Variants in NCKAP5 observed in about 807,000 individuals in gnomAD.
The protein encoded by NCKAP5 is NCK associated protein 5.
NCKAP5 carries 92 observed loss-of-function variants against 167.0 expected under a neutral mutation model. The observed-to-expected ratio is 0.55, with a 90% CI of 0.47 to 0.66. The LOEUF is 0.66. NCKAP5 is among the 30% of genes least tolerant of loss of function. The pLI is 0.00. For synonymous variants in NCKAP5, 891 were observed against 877.4 expected, an observed-to-expected ratio of 1.02 and a Z score of -0.27; for missense variants, 2,378 against 2,315.0, an observed-to-expected ratio of 1.03 and a Z score of -0.56.
intron 8 of NCKAP5, among the ~76,000 whole-genome samples, chr2:132,948,631 G>A (rs2076069692): frequency 6.6e-6 from 1 of 152,122 alleles, no homozygotes; most frequent in South Asian, 2.1e-4. Flanking sequence ...CTGTATGAAA[G>A]AAATAGCACC....
chr2:133,206,755 G>C (rs1221737593), intron 5 of NCKAP5, among the ~76,000 whole-genome samples: 1 of 152,172 alleles, frequency 6.6e-6, no homozygotes, highest in Non-Finnish European at 1.5e-5. Flanking sequence ...CCTATAAACG[G>C]ATGTGCAAGT....
chr2:132,818,506 T>C (rs184136258), intron 11 of NCKAP5, among the ~76,000 whole-genome samples: 27 of 152,174 alleles, frequency 1.8e-4, no homozygotes, highest in African/African-American at 6.0e-4. Flanking sequence ...TGAAATCCCA[T>C]CTCCACCAAA....
chr2:132,938,971 T>C lies in NCKAP5; in HGVS notation c.579+24749A>G, dbSNP rs1697063740. ...AAATTCATTTTTTAGAGGTTTTCAA[T>C]TGAACAAGGACAGGAGGAGAGGAAT... On this transcript the variant is annotated intron_variant, in intron 8 of 19. Coordinates refer to ENST00000409261, the MANE Select transcript of NCKAP5 (RefSeq NM_207363.3). Among the ~76,000 whole-genome samples, 3 of 152,184 alleles carry C rather than the reference T, an allele frequency of 2.0e-5. No individual in the cohort carries two copies. The South Asian group carries it at 6.2e-4, about 31-fold the overall frequency.
chr2:133,671,041 C>T, the NCKAP5 span, among the ~76,000 whole-genome samples: 1 of 151,770 alleles, frequency 6.6e-6, no homozygotes, highest in Non-Finnish European at 1.5e-5. Flanking sequence ...TGGTGAAACC[C>T]CATCTCTACT....
chr2:132,759,502 A>G (rs546692478), intron 16 of NCKAP5, among the ~76,000 whole-genome samples: 34 of 152,186 alleles, frequency 2.2e-4, no homozygotes, highest in Admixed American at 7.9e-4. Context: ...TGACACTCCA[A>G]TATTTTCACT....
intron 2 of NCKAP5, among the ~76,000 whole-genome samples, chr2:133,557,057 A>G (rs941699796): frequency 6.6e-6 from 1 of 152,244 alleles, no homozygotes; most frequent in African/African-American, 2.4e-5. Flanking sequence ...GAGCAACAGA[A>G]TACAAACCAC....
At chr2:132,731,135 C>T (rs894488967) in intron 17 of NCKAP5, among the ~76,000 whole-genome samples, 2 of 152,132 alleles carry the variant, frequency 1.3e-5, no homozygotes, top group Non-Finnish European at 2.9e-5. Flanking sequence ...CATTTTTAAT[C>T]GTGAGGGAAC....
intron 7 of NCKAP5, among the ~76,000 whole-genome samples, chr2:132,974,180 G>A (rs750588622): frequency 6.6e-6 from 1 of 152,150 alleles, no homozygotes; most frequent in South Asian, 2.1e-4. Context: ...AAATTACAGG[G>A]ATATGAAGAA....
chr2:133,334,352 G>A (rs1349011248), intron 3 of NCKAP5, among the ~76,000 whole-genome samples: 1 of 152,048 alleles, frequency 6.6e-6, no homozygotes, highest in Admixed American at 6.6e-5. Flanking sequence ...TCACGGTGGT[G>A]GTAAAGTATC....
intron 4 of NCKAP5, among the ~76,000 whole-genome samples, chr2:133,244,430 G>A (rs2087875147): frequency 6.6e-6 from 1 of 151,872 alleles, no homozygotes; most frequent in African/African-American, 2.4e-5. Context: ...ACAATTTATT[G>A]GTAGTATAGT....
intron 5 of NCKAP5, among the ~76,000 whole-genome samples, chr2:133,158,450 A>G (rs1200424566): frequency 2.6e-5 from 4 of 152,214 alleles, no homozygotes; most frequent in Non-Finnish European, 4.4e-5. Flanking sequence ...ACTTTGAATT[A>G]TGATTTAAAA....
chr2:133,144,275 C>T (rs930060831), intron 5 of NCKAP5, among the ~76,000 whole-genome samples: 5 of 151,942 alleles, frequency 3.3e-5, no homozygotes, highest in South Asian at 2.1e-4. Flanking sequence ...TCTGGTAGCA[C>T]GAAAGCAGGT....
At chr2:133,556,869 TC>T (rs1344584656) in intron 2 of NCKAP5, 1 of 152,188 alleles carries the variant, frequency 6.6e-6, no homozygotes, top group Non-Finnish European at 1.5e-5. Flanking sequence ...TTATTTCCAT[TC>T]CTCTCATCTT....
In NCKAP5 at chr2:132,922,238, G is replaced by A. The variant is rs185247876; in HGVS notation, c.579+41482C>T. Among the ~76,000 whole-genome samples the A allele has an allele frequency of 5.3e-5, 8 of 152,194 alleles. No homozygotes were observed. In the East Asian group the frequency reaches 1.5e-3, roughly 29 times the overall value. On this transcript the variant is annotated intron_variant, in intron 8 of 19. Coordinates refer to ENST00000409261, the MANE Select transcript of NCKAP5 (RefSeq NM_207363.3). Reference sequence around the variant, plus strand: ...AGGAAAAGAGTATTCTAGGAGGAGGGAATCATACATGTAAAAGCTCAGAGA... The same window carrying A: ...AGGAAAAGAGTATTCTAGGAGGAGGAAATCATACATGTAAAAGCTCAGAGA...
At position 132,707,779 on chromosome 2, in the gene NCKAP5, C is replaced by T. The variant is rs145422327; in HGVS notation, c.5713+17848G>A. ...AGAATATGGATCTCTCATAGCTTTGCGAGGGACTGTGTTTCTTCCACTTGA... is the reference window on the plus strand; with the variant it reads ...AGAATATGGATCTCTCATAGCTTTGTGAGGGACTGTGTTTCTTCCACTTGA... On this transcript the variant is annotated intron_variant, in intron 19 of 19. Transcript: ENST00000409261. Among the ~76,000 whole-genome samples the T allele has an allele frequency of 2.7e-3, 415 of 152,204 alleles. 9 individuals carry two copies. Among genetic ancestry groups the T allele is most frequent in the Admixed American group, 0.024 (363 of 15,286 alleles).
chr2:132,785,603 TC>T lies in NCKAP5; in HGVS notation c.1207del (p.Glu403LysfsTer3). 1 of 1,573,886 alleles carries T rather than the reference TC, an allele frequency of 6.4e-7. No individual in the cohort carries two copies. The highest frequency in any genetic ancestry group is 8.6e-7 in the Non-Finnish European group (1 of 1,162,940). On this transcript the variant is annotated frameshift_variant, in exon 14 of 20. Transcript: ENST00000409261. LOFTEE classifies it high-confidence loss of function. ...TCGCTTCTGTAGCTTTCTTAGCCCTTCCAAAATGTGGCTTTCCTTGATACGA... is the reference window on the plus strand; with the variant it reads ...TCGCTTCTGTAGCTTTCTTAGCCCTTCAAAATGTGGCTTTCCTTGATACGA... ...PTRIKESHIL[E>X]GLRKLQKRKV...
intron 2 of NCKAP5, among the ~76,000 whole-genome samples, chr2:133,517,936 A>G (rs1265007556): frequency 6.6e-6 from 1 of 152,206 alleles, no homozygotes; most frequent in Non-Finnish European, 1.5e-5. Flanking sequence ...GTGCACATAG[A>G]TGCTGTCTGC....
At chr2:133,525,917 CT>C (rs1684832240) in intron 2 of NCKAP5, among the ~76,000 whole-genome samples, 1 of 152,028 alleles carries the variant, frequency 6.6e-6, no homozygotes, top group East Asian at 1.9e-4. Context: ...TTTCTTTGCT[CT>C]AGTTTCCTCA....
At chr2:133,247,132 A>T (rs148181211) in intron 4 of NCKAP5, among the ~76,000 whole-genome samples, 39 of 152,350 alleles carry the variant, frequency 2.6e-4, no homozygotes, top group Admixed American at 2.3e-3. Flanking sequence ...TTCCATTTAT[A>T]AACACCTAAT....
Sources: allele counts gnomAD v4.1 joint callset (sites outside exome capture counted in the v4.1 genomes callset), GRCh38; gene constraint gnomAD v4.1.1; transcripts MANE v1.5; gene names NCBI Gene and HGNC (gene_info 2026-07-23, HGNC 2026-07-21).